Variants in AKAP6 observed in about 807,000 individuals in gnomAD.
The protein encoded by AKAP6 is A-kinase anchor protein 6.
AKAP6 carries 58 observed loss-of-function variants against 188.5 expected under a neutral mutation model. The ratio of observed to expected loss-of-function variants is 0.31; its 90% CI spans 0.25 to 0.38. The LOEUF is 0.38. AKAP6 is among the 10% of genes least tolerant of loss of function. The pLI, the probability that AKAP6 is intolerant of heterozygous loss-of-function variation, is 1.00. For synonymous variants in AKAP6, 989 were observed against 998.6 expected, an observed-to-expected ratio of 0.99 and a Z score of 0.18; for missense variants, 2,710 against 2,740.0, an observed-to-expected ratio of 0.99 and a Z score of 0.24.
intron 1 of AKAP6, among the ~76,000 whole-genome samples, chr14:32,363,587 G>A (rs1887733253): frequency 6.6e-6 from 1 of 152,174 alleles, no homozygotes; most frequent in Non-Finnish European, 1.5e-5. Context: ...TATGTTCAAG[G>A]ACAGGAAGCA....
intron 1 of AKAP6, among the ~76,000 whole-genome samples, chr14:32,343,153 C>T (rs1161142825): frequency 6.6e-6 from 1 of 152,138 alleles, no homozygotes; most frequent in African/African-American, 2.4e-5. Flanking sequence ...CAGTCCCACC[C>T]CCACTAGCTC....
At chr14:32,680,943 G>A (rs1889649507) in intron 8 of AKAP6, among the ~76,000 whole-genome samples, 1 of 152,164 alleles carries the variant, frequency 6.6e-6, no homozygotes, top group Non-Finnish European at 1.5e-5. Flanking sequence ...TTCACCTGTG[G>A]GGAACAGTTG....
intron 2 of AKAP6, among the ~76,000 whole-genome samples, chr14:32,533,161 A>C (rs140884740): frequency 6.6e-6 from 1 of 152,312 alleles, no homozygotes; most frequent in Non-Finnish European, 1.5e-5. Flanking sequence ...TACTGACATT[A>C]CCAAAGATAA....
At chr14:32,418,910 C>T (rs1344366815) in intron 1 of AKAP6, among the ~76,000 whole-genome samples, 1 of 152,142 alleles carries the variant, frequency 6.6e-6, no homozygotes, top group African/African-American at 2.4e-5. Context: ...CTAGTTTCCA[C>T]TAGAAAATAC....
chr14:32,644,822 G>C (rs1226967435), intron 7 of AKAP6, among the ~76,000 whole-genome samples: 2 of 152,042 alleles, frequency 1.3e-5, no homozygotes, highest in Admixed American at 6.6e-5. Context: ...TTCACAAAGA[G>C]CTCAATAGTT....
intron 12 of AKAP6, among the ~76,000 whole-genome samples, chr14:32,795,544 T>C (rs1367797734): frequency 2.0e-5 from 3 of 152,216 alleles, no homozygotes; most frequent in Non-Finnish European, 4.4e-5. Flanking sequence ...AAAATCTACA[T>C]GATTATCTCA....
chr14:32,624,122 A>G (rs994432999), intron 7 of AKAP6, among the ~76,000 whole-genome samples: 3 of 152,168 alleles, frequency 2.0e-5, no homozygotes, highest in Non-Finnish European at 4.4e-5. Flanking sequence ...TATTTTTAGT[A>G]TTAGAAGATA....
chr14:32,674,139 G>T (rs950241553), intron 7 of AKAP6, among the ~76,000 whole-genome samples: 28 of 152,140 alleles, frequency 1.8e-4, no homozygotes, highest in African/African-American at 6.5e-4. Context: ...GCAAGAAAGG[G>T]CTGTTTAAAG....
intron 1 of AKAP6, among the ~76,000 whole-genome samples, chr14:32,420,334 CCTG>C (rs763304078): frequency 1.3e-5 from 2 of 152,036 alleles, no homozygotes; most frequent in African/African-American, 2.4e-5. Flanking sequence ...ATTCCCCTAC[CCTG>C]TCTCTCTCTT....
At chr14:32,788,611 A>G (rs777969508) in intron 12 of AKAP6, among the ~76,000 whole-genome samples, 94 of 151,870 alleles carry the variant, frequency 6.2e-4, no homozygotes, top group Non-Finnish European at 9.6e-4. Context: ...TGAGCGTGCA[A>G]CCCCCCCCAG....
intron 7 of AKAP6, among the ~76,000 whole-genome samples, chr14:32,616,811 G>A (rs1486392795): frequency 6.6e-6 from 1 of 152,108 alleles, no homozygotes; most frequent in African/African-American, 2.4e-5. Context: ...CAACATATAT[G>A]TATATATTTA....
At chr14:32,787,546 A>T (rs958542899) in intron 12 of AKAP6, among the ~76,000 whole-genome samples, 6 of 152,176 alleles carry the variant, frequency 3.9e-5, no homozygotes, top group Non-Finnish European at 5.9e-5. Context: ...AAGCAAAAAG[A>T]ATTACTACAT....
chr14:32,401,511 T>C (rs763122249), intron 1 of AKAP6, among the ~76,000 whole-genome samples: 3 of 152,210 alleles, frequency 2.0e-5, no homozygotes, highest in Non-Finnish European at 4.4e-5. Flanking sequence ...TCTGGGAATA[T>C]GCTGTAACAC....
At chr14:32,431,752 G>A (rs1481185176) in intron 1 of AKAP6, among the ~76,000 whole-genome samples, 2 of 152,232 alleles carry the variant, frequency 1.3e-5, no homozygotes, top group African/African-American at 4.8e-5. Flanking sequence ...GACCTCAGGT[G>A]ATCTGCCTGC....
At chr14:32,740,496 A>G (rs1361003968) in intron 11 of AKAP6, among the ~76,000 whole-genome samples, 7 of 152,066 alleles carry the variant, frequency 4.6e-5, no homozygotes, top group Non-Finnish European at 8.8e-5. Flanking sequence ...TATTAGTTTC[A>G]TAGTTTGAGG....
At chr14:32,770,043 C>G (rs1017596656) in intron 11 of AKAP6, among the ~76,000 whole-genome samples, 1 of 152,082 alleles carries the variant, frequency 6.6e-6, no homozygotes, top group African/African-American at 2.4e-5. Flanking sequence ...TGCACATTTG[C>G]TCAATAATAT....
intron 1 of AKAP6, among the ~76,000 whole-genome samples, chr14:32,376,753 G>C (rs753450659): frequency 5.3e-5 from 8 of 152,132 alleles, no homozygotes; most frequent in Non-Finnish European, 1.0e-4. Flanking sequence ...CTGGAGTGCA[G>C]TGGCGCCATC....
intron 1 of AKAP6, among the ~76,000 whole-genome samples, chr14:32,420,401 C>T (rs564799778): frequency 1.3e-5 from 2 of 151,750 alleles, no homozygotes; most frequent in South Asian, 2.1e-4. Flanking sequence ...TCCCATCCCT[C>T]CTTTCTTCCT....
In AKAP6 at chr14:32,822,225, C is replaced by T. The variant is rs200742156; in HGVS notation, c.4412C>T (p.Ser1471Leu). 3.5e-5 allele frequency: 56 copies of T among 1,613,870 alleles called. No homozygotes were observed. The East Asian group carries it at 1.2e-3, about 35-fold the overall frequency. The change falls in exon 13 of 14, where the codon TCA (serine) becomes TTA (leucine). Residue 1471 changes from serine to leucine, a missense_variant. Coordinates refer to ENST00000280979, the MANE Select transcript of AKAP6 (RefSeq NM_004274.5). ...GATGTGTTTACATTTTATGATTACT[C>T]ATACCTCCAAGGCTCAAAACTCAAA... ...KHDVFTFYDY[S>L]YLQGSKLKLP... is the part of the protein sequence containing the mutation.
Sources: allele counts gnomAD v4.1 joint callset (sites outside exome capture counted in the v4.1 genomes callset), GRCh38; gene constraint gnomAD v4.1.1; transcripts MANE v1.5; gene names NCBI Gene and HGNC (gene_info 2026-07-23, HGNC 2026-07-21).